The following NNMT variants were observed in gnomAD, a reference collection of about 807,000 sequenced individuals.
The protein encoded by NNMT is nicotinamide N-methyltransferase.
In NNMT, 10 loss-of-function variants were observed where a neutral mutation model predicts 11.7. The ratio of observed to expected loss-of-function variants is 0.85; its 90% CI spans 0.53 to 1.45. NNMT has a LOEUF of 1.45. NNMT is among the 40% of genes most tolerant of loss of function. The probability of loss-of-function intolerance (pLI) is 0.00; values close to 1 mark genes in which losing one functional copy is unlikely to be tolerated. For missense variants in NNMT, 381 were observed against 319.4 expected (o/e 1.19, Z -1.47); for synonymous variants, 143 against 133.8 (o/e 1.07, Z -0.48).
intron 2 of NNMT, among the ~76,000 whole-genome samples, chr11:114,298,854 A>C (rs1275434802): frequency 6.6e-6 from 1 of 152,194 alleles, no homozygotes; most frequent in Non-Finnish European, 1.5e-5. Context: ...GCAATAGCCT[A>C]TTAGCCAGAG....
chr11:114,308,780 T>G (rs1389033762), intron 2 of NNMT, among the ~76,000 whole-genome samples: 1 of 152,150 alleles, frequency 6.6e-6, no homozygotes, highest in Non-Finnish European at 1.5e-5. Flanking sequence ...CCGAGGTGTA[T>G]GCAGGCTTTA....
chr11:114,297,036 T>G (rs940248422), intron 1 of NNMT, among the ~76,000 whole-genome samples: 1 of 152,230 alleles, frequency 6.6e-6, no homozygotes, highest in Non-Finnish European at 1.5e-5. Flanking sequence ...GTACCTATTC[T>G]GATCCTAACT....
In NNMT at chr11:114,312,750, A is replaced by C; in HGVS notation, c.*273A>C. 1 of 428,234 alleles carries C rather than the reference A, an allele frequency of 2.3e-6. No homozygotes were observed. The highest frequency in any genetic ancestry group is 4.2e-6 in the Non-Finnish European group (1 of 239,228). 26.5% of individuals were successfully genotyped at this position (428,234 alleles called of 1,614,324 possible). On this transcript the variant is annotated 3_prime_UTR_variant, in exon 3 of 3. Coordinates refer to ENST00000299964, the MANE Select transcript of NNMT (RefSeq NM_006169.3). ...ACAAAAGAAGACCTCACTTCCCTAA[A>C]CATCTAGTTATGGCGGCTCAAGCCC... is the stretch of plus-strand genomic sequence containing the variant.
intron 2 of NNMT, among the ~76,000 whole-genome samples, chr11:114,265,368 CACTG>C (rs1432463676): frequency 3.3e-5 from 5 of 152,216 alleles, no homozygotes; most frequent in African/African-American, 9.6e-5. Flanking sequence ...TCCCTTCCCT[CACTG>C]GCTGCTGCTT....
At chr11:114,293,081 A>G (rs1945346381), upstream of NNMT, among the ~76,000 whole-genome samples, 1 of 152,210 alleles carries the variant, frequency 6.6e-6, no homozygotes, top group Non-Finnish European at 1.5e-5. Context: ...GTAGCAAACC[A>G]GGATAACAAC....
intron 2 of NNMT, among the ~76,000 whole-genome samples, chr11:114,265,931 AG>A (rs1167693822): frequency 1.3e-5 from 2 of 152,044 alleles, no homozygotes; most frequent in Non-Finnish European, 2.9e-5. Context: ...GGGTGGGAAA[AG>A]CAACACCTTT....
chr11:114,310,828 G>A (rs1358340776), intron 2 of NNMT, among the ~76,000 whole-genome samples: 1 of 152,184 alleles, frequency 6.6e-6, no homozygotes, highest in African/African-American at 2.4e-5. Context: ...TCACTTATCT[G>A]ATCTTCTGCT....
chr11:114,271,986 G>A (rs1945173437), intron 2 of NNMT, among the ~76,000 whole-genome samples: 1 of 152,164 alleles, frequency 6.6e-6, no homozygotes, highest in Admixed American at 6.5e-5. Flanking sequence ...AGAGGTGGTT[G>A]TGACAGAGGT....
chr11:114,293,895 T>C (rs915281401), upstream of NNMT, among the ~76,000 whole-genome samples: 5 of 152,136 alleles, frequency 3.3e-5, no homozygotes, highest in African/African-American at 1.2e-4. Flanking sequence ...AAGTGTCCAT[T>C]AGCAGATGAA....
chr11:114,299,383 T>A (rs977577472), intron 2 of NNMT, among the ~76,000 whole-genome samples: 1 of 152,368 alleles, frequency 6.6e-6, no homozygotes, highest in African/African-American at 2.4e-5. Context: ...ATTTTCCTCC[T>A]GTATTCTGAA....
At chr11:114,284,760 C>T (rs1429479117) in intron 2 of NNMT, among the ~76,000 whole-genome samples, 1 of 133,296 alleles carries the variant, frequency 7.5e-6, no homozygotes, top group Non-Finnish European at 1.5e-5. Flanking sequence ...CTGCACCCGG[C>T]CATCTTTTTT....
chr11:114,312,522 G>A lies in NNMT; in HGVS notation c.*45G>A. ...AGCAATTCCTTTGACCTGTCCAGTT[G>A]ACTTTAGTCCTTGTTTCTAACTGCC... is the stretch of plus-strand genomic sequence containing the variant. On this transcript the variant is annotated 3_prime_UTR_variant, in exon 3 of 3. Coordinates refer to ENST00000299964, the MANE Select transcript of NNMT (RefSeq NM_006169.3). 1.9e-6 allele frequency: 3 copies of A among 1,564,488 alleles called. No individual in the cohort carries two copies. The highest frequency in any genetic ancestry group is 1.7e-6 in the Non-Finnish European group (2 of 1,151,254).
Position 114,298,126 on chromosome 11 carries a change from G to T in NNMT, c.330G>T (p.Val110=). The T allele has an allele frequency of 9.9e-6, 16 of 1,614,148 alleles. No individual in the cohort carries two copies. The highest frequency in any genetic ancestry group is 1.4e-5 in the Non-Finnish European group (16 of 1,180,020). Reference sequence around the variant, plus strand: ...CAGAGGCCTTTGACTGGTCCCCAGTGGTGACCTATGTGTGTGATCTTGAAG... The same window carrying T: ...CAGAGGCCTTTGACTGGTCCCCAGTTGTGACCTATGTGTGTGATCTTGAAG... ...KEPEAFDWSP[V]VTYVCDLEGN... Residue 110 remains valine, a synonymous_variant, in exon 2 of 3, where the codon GTG becomes GTT. Transcript: ENST00000299964.
chr11:114,292,519 G>C (rs1377161016), upstream of NNMT, among the ~76,000 whole-genome samples: 1 of 152,134 alleles, frequency 6.6e-6, no homozygotes, highest in Non-Finnish European at 1.5e-5. Context: ...CATAGCCTGG[G>C]ACGATGAATC....
chr11:114,260,503 C>T (rs2135238462), intron 1 of NNMT, among the ~76,000 whole-genome samples: 1 of 152,226 alleles, frequency 6.6e-6, no homozygotes, highest in Admixed American at 6.5e-5. Flanking sequence ...CCAATCCCCA[C>T]TTCCCTCCAG....
At chr11:114,311,352 A>G (rs1372044105) in intron 2 of NNMT, among the ~76,000 whole-genome samples, 1 of 152,140 alleles carries the variant, frequency 6.6e-6, no homozygotes, top group Non-Finnish European at 1.5e-5. Flanking sequence ...AAAACAAAAA[A>G]CCCAAAACAT....
At chr11:114,276,428 A>G (rs987240461) in intron 2 of NNMT, among the ~76,000 whole-genome samples, 1 of 152,162 alleles carries the variant, frequency 6.6e-6, no homozygotes, top group Non-Finnish European at 1.5e-5. Context: ...AGGAGTGCAC[A>G]GGGGCAGGAT....
Position 114,296,729 on chromosome 11 carries a change from T to C in NNMT, c.154+19T>C, listed in dbSNP as rs748664084. The C allele has an allele frequency of 3.7e-6, 6 of 1,613,372 alleles. No individual in the cohort carries two copies. In the Admixed American group the frequency reaches 5.0e-5, roughly 13 times the overall value. On this transcript the variant is annotated intron_variant, in intron 1 of 2. Transcript: ENST00000299964. ...TGCCTAGGTAAGTCTGTTGTCTGCA[T>C]GTCTCCCCACTAATGTGAGTCATAT...
intron 1 of NNMT, chr11:114,297,514 C>T (rs1945393830): frequency 7.1e-6 from 1 of 140,664 alleles, no homozygotes. Context: ...ATAGATCTCA[C>T]TCTGTTGCCT....
Sources: allele counts gnomAD v4.1 joint callset (sites outside exome capture counted in the v4.1 genomes callset), GRCh38; gene constraint gnomAD v4.1.1; transcripts MANE v1.5; gene names NCBI Gene and HGNC (gene_info 2026-07-23, HGNC 2026-07-21).